SLC39A14: variants seen among roughly 807,000 people sequenced by gnomAD.
SLC39A14 encodes the protein solute carrier family 39 member 14, also known as metal cation symporter ZIP14.
SLC39A14 carries 19 observed loss-of-function variants against 45.5 expected under a neutral mutation model. The observed-to-expected ratio is 0.42, with a 90% CI of 0.29 to 0.61. SLC39A14 has a LOEUF of 0.61. Ranked by LOEUF, SLC39A14 falls within the 20% of genes least tolerant of loss-of-function variation. The pLI is 0.22. For synonymous variants in SLC39A14, 264 were observed against 251.3 expected, an observed-to-expected ratio of 1.05 and a Z score of -0.48; for missense variants, 447 against 616.5, an observed-to-expected ratio of 0.73 and a Z score of 2.91.
At chr8:22,395,297 T>A (rs1400962899) in intron 1 of SLC39A14, among the ~76,000 whole-genome samples, 1 of 152,216 alleles carries the variant, frequency 6.6e-6, no homozygotes, top group Non-Finnish European at 1.5e-5. Context: ...TTAGAACACA[T>A]CTTCCATTTC....
chr8:22,412,032 G>A lies in SLC39A14; in HGVS notation c.458-5G>A, dbSNP rs560026205. The A allele has an allele frequency of 2.6e-5, 40 of 1,549,880 alleles. No homozygotes were observed. The South Asian group carries it at 4.4e-4, about 17-fold the overall frequency. On this transcript the variant is annotated splice_polypyrimidine_tract_variant and splice_region_variant and intron_variant, in intron 3 of 8. Transcript: ENST00000381237. ...GGTGGGGCTGGCCCTCCCTCCGCAC[G>A]GCAGTGTGGGGATACGGTCTCCTCT... is the stretch of plus-strand genomic sequence containing the variant.
rs528570980 is a variant in SLC39A14, at chr8:22,400,617, A to G, written c.-15-4079A>G. On this transcript the variant is annotated intron_variant, in intron 1 of 8. Transcript: ENST00000381237. Reference sequence around the variant, plus strand: ...TGAATCTCAAAGTAGCACTTTTACAAACCGTCGTTGTGGCTGATGCCGAAT... The same window carrying G: ...TGAATCTCAAAGTAGCACTTTTACAGACCGTCGTTGTGGCTGATGCCGAAT... 5.4e-4 allele frequency among the ~76,000 whole-genome samples: 82 copies of G among 152,324 alleles called. 1 individual carries two copies. Among genetic ancestry groups the G allele is most frequent in the Middle Eastern group, 6.8e-3 (2 of 294 alleles).
At chr8:22,407,282 TCC>T (rs1280125564) in intron 2 of SLC39A14, among the ~76,000 whole-genome samples, 2 of 152,194 alleles carry the variant, frequency 1.3e-5, no homozygotes, top group Admixed American at 6.5e-5. Flanking sequence ...ACATAATAGC[TCC>T]CTGGGCTATT....
chr8:22,379,378 C>G (rs1044045640), intron 1 of SLC39A14: 1 of 152,210 alleles, frequency 6.6e-6, no homozygotes, highest in African/African-American at 2.4e-5. Flanking sequence ...GCTTACTAAA[C>G]TCTGGTTCAC....
rs765162706 is a variant in SLC39A14, at chr8:22,408,350, G to A, written c.311G>A (p.Ser104Asn). 5 of 1,614,102 alleles carry A rather than the reference G, an allele frequency of 3.1e-6. No individual in the cohort carries two copies. In the African/African-American group the frequency reaches 6.7e-5, roughly 22 times the overall value. ...SGDLFTAHNF[S>N]EQSRIGSSEL... ...GACCTCTTCACTGCCCACAATTTCA[G>A]CGAGCAGTCGCGGATTGGGAGCAGC... is the stretch of plus-strand genomic sequence containing the variant. The change falls in exon 3 of 9, where the codon AGC becomes AAC. Residue 104 changes from serine to asparagine, a missense_variant. Ser to Asn is a conservative substitution (Grantham distance 46). Transcript: ENST00000381237.
At chr8:22,399,924 G>A (rs369519739) in intron 1 of SLC39A14, among the ~76,000 whole-genome samples, 44 of 152,318 alleles carry the variant, frequency 2.9e-4, no homozygotes, top group African/African-American at 3.8e-4. Flanking sequence ...AGCTGAGGGG[G>A]GAACATCTGT....
rs1835100762 is a variant in SLC39A14 at position 22,404,690 on chromosome 8, T to C, written c.-15-6T>C. 2 of 1,602,324 alleles carry C rather than the reference T, an allele frequency of 1.2e-6. No individual in the cohort carries two copies. Among genetic ancestry groups the C allele is most frequent in the African/African-American group, 2.8e-5 (2 of 71,148 alleles). ...CCTCAGCTTCACCTGCCTTTTTCTCTCACAGGTTTATTCAGTCACCATGAA... is the reference window on the plus strand; with the variant it reads ...CCTCAGCTTCACCTGCCTTTTTCTCCCACAGGTTTATTCAGTCACCATGAA... On this transcript the variant is annotated splice_region_variant and splice_polypyrimidine_tract_variant and intron_variant, in intron 1 of 8. Coordinates refer to ENST00000381237, the MANE Select transcript of SLC39A14 (RefSeq NM_001128431.4).
intron 1 of SLC39A14, among the ~76,000 whole-genome samples, chr8:22,401,542 TC>T (rs200761164): frequency 0.01 from 1,140 of 111,030 alleles, 84 homozygotes; most frequent in African/African-American, 0.067. Flanking sequence ...CTCTTCTCTT[TC>T]TTTTTTTTTT....
intron 7 of SLC39A14, among the ~76,000 whole-genome samples, chr8:22,417,227 G>T (rs1835938357): frequency 6.6e-6 from 1 of 152,192 alleles, no homozygotes; most frequent in South Asian, 2.1e-4. Flanking sequence ...TGAGGAAGGG[G>T]GTTCCTTCTG....
At chr8:22,385,990 A>G (rs1833771242) in intron 1 of SLC39A14, among the ~76,000 whole-genome samples, 1 of 152,158 alleles carries the variant, frequency 6.6e-6, no homozygotes, top group Non-Finnish European at 1.5e-5. Flanking sequence ...CCTAGGCTGG[A>G]GTGCAGTGGC....
At chr8:22,373,261 CAA>C (rs11332395) in intron 1 of SLC39A14, among the ~76,000 whole-genome samples, 128 of 127,366 alleles carry the variant, frequency 1.0e-3, no homozygotes, top group Admixed American at 1.1e-3. Context: ...GACTCCATCT[CAA>C]AAAAAAAAAA....
At chr8:22,412,002 C>A (rs1325220171) in intron 3 of SLC39A14, 35 bp from the exon 4 acceptor site, 1 of 1,538,462 alleles carries the variant, frequency 6.5e-7, no homozygotes, top group South Asian at 1.2e-5. Context: ...TCTCTCCCTG[C>A]CCTGGGTGGG....
At chr8:22,432,399 T>C (rs986411108) in intron 8 of SLC39A14, among the ~76,000 whole-genome samples, 2 of 135,040 alleles carry the variant, frequency 1.5e-5, no homozygotes, top group Non-Finnish European at 3.3e-5. Flanking sequence ...TCTTTCACTC[T>C]GTCTCTCTTT....
intron 1 of SLC39A14, among the ~76,000 whole-genome samples, chr8:22,393,548 G>A (rs943382566): frequency 6.6e-6 from 1 of 152,140 alleles, no homozygotes; most frequent in Non-Finnish European, 1.5e-5. Flanking sequence ...TCGTAAACTG[G>A]GACTCACACA....
chr8:22,427,895 G>A (rs562050685), intron 8 of SLC39A14, among the ~76,000 whole-genome samples: 1 of 152,338 alleles, frequency 6.6e-6, no homozygotes, highest in African/African-American at 2.4e-5. Flanking sequence ...CAGACTGGGT[G>A]TGGTGGCTCA....
Position 22,398,671 on chromosome 8 carries a change from G to A in SLC39A14, c.-15-6025G>A, listed in dbSNP as rs1834660866. 4 of 961,542 alleles carry A rather than the reference G, an allele frequency of 4.2e-6. No homozygotes were observed. The South Asian group carries it at 1.9e-4, about 46-fold the overall frequency. 59.6% of individuals were successfully genotyped at this position (961,542 alleles called of 1,614,324 possible). A position where few individuals can be genotyped will look rare whatever the true frequency, so the allele number is the denominator to read the frequency against. On this transcript the variant is annotated intron_variant, in intron 1 of 8. Transcript: ENST00000381237. ...CCCAGCGTCACAGAAGTGAATGTTT[G>A]CTCCTCTCTGAGAGGGGAGGTGGGC...
At chr8:22,429,420 T>G (rs183935985) in intron 8 of SLC39A14, among the ~76,000 whole-genome samples, 1 of 152,380 alleles carries the variant, frequency 6.6e-6, no homozygotes, top group African/African-American at 2.4e-5. Flanking sequence ...TATAATTTTA[T>G]ACTGCCTACC....
intron 1 of SLC39A14, among the ~76,000 whole-genome samples, chr8:22,374,240 G>A (rs537154223): frequency 6.6e-6 from 1 of 152,212 alleles, no homozygotes; most frequent in African/African-American, 2.4e-5. Context: ...TGCAGGGAGG[G>A]ACTGGAGACC....
intron 8 of SLC39A14, among the ~76,000 whole-genome samples, chr8:22,432,734 G>A (rs1257209104): frequency 1.3e-5 from 2 of 148,660 alleles, no homozygotes; most frequent in African/African-American, 5.0e-5. Context: ...TGCAACCTCC[G>A]GCTCCCAGGT....
Sources: gnomAD v4.1 joint callset for allele counts (sites outside exome capture counted in the v4.1 genomes callset) on GRCh38, gnomAD v4.1.1 for gene constraint, MANE v1.5 for transcripts, NCBI Gene and HGNC (gene_info 2026-07-23, HGNC 2026-07-21) for gene names.